The following SORCS3 variants were observed in gnomAD, a reference collection of about 807,000 sequenced individuals.
The protein encoded by SORCS3 is sortilin related VPS10 domain containing receptor 3, also known as VPS10 domain-containing receptor SorCS3.
Under a neutral mutation model 146.3 loss-of-function variants are expected in SORCS3, and 57 were observed. That is an observed-to-expected ratio of 0.39 (90% confidence interval 0.31 to 0.49). SORCS3 has a LOEUF of 0.49. Ranked by LOEUF, SORCS3 falls within the 20% of genes least tolerant of loss-of-function variation. The pLI, the probability that SORCS3 is intolerant of heterozygous loss-of-function variation, is 0.92. For synonymous variants in SORCS3, 653 were observed against 618.5 expected (o/e 1.06, Z -0.83); for missense variants, 1,341 against 1,575.5 (o/e 0.85, Z 2.52).
At chr10:105,038,851 T>C (rs1416243621) in intron 4 of SORCS3, among the ~76,000 whole-genome samples, 1 of 152,154 alleles carries the variant, frequency 6.6e-6, no homozygotes, top group Non-Finnish European at 1.5e-5. Flanking sequence ...TTGACACATG[T>C]GTTTTATTTC....
At chr10:104,789,913 T>C (rs1373059197) in intron 1 of SORCS3, among the ~76,000 whole-genome samples, 1 of 152,216 alleles carries the variant, frequency 6.6e-6, no homozygotes, top group Non-Finnish European at 1.5e-5. Context: ...TGTGCAACTT[T>C]GTTGGATAAT....
chr10:105,227,778 C>T (rs937754402), intron 20 of SORCS3, among the ~76,000 whole-genome samples: 2 of 151,810 alleles, frequency 1.3e-5, no homozygotes, highest in African/African-American at 4.8e-5. Flanking sequence ...GAATTGATCC[C>T]TTTATCATTA....
At chr10:104,721,193 A>G (rs568029574) in intron 1 of SORCS3, among the ~76,000 whole-genome samples, 30 of 152,312 alleles carry the variant, frequency 2.0e-4, no homozygotes, top group Non-Finnish European at 3.4e-4. Flanking sequence ...CTTTCTACAT[A>G]TGGCTAGCCA....
intron 19 of SORCS3, among the ~76,000 whole-genome samples, chr10:105,218,940 G>T (rs1481437245): frequency 2.0e-5 from 3 of 152,134 alleles, no homozygotes; most frequent in Non-Finnish European, 2.9e-5. Flanking sequence ...GCTTGAACCT[G>T]GGAGGCGGAG....
chr10:104,685,757 C>T (rs1413533275), intron 1 of SORCS3, among the ~76,000 whole-genome samples: 1 of 152,190 alleles, frequency 6.6e-6, no homozygotes, highest in African/African-American at 2.4e-5. Context: ...CTTTGTGGTG[C>T]AGGACTATCA....
At chr10:104,838,359 C>T (rs1205466777) in intron 1 of SORCS3, among the ~76,000 whole-genome samples, 1 of 152,094 alleles carries the variant, frequency 6.6e-6, no homozygotes, top group African/African-American at 2.4e-5. Context: ...AATGTTCTTC[C>T]CTGGAAATTC....
chr10:105,027,556 A>G (rs2133693065), intron 4 of SORCS3, among the ~76,000 whole-genome samples: 1 of 152,204 alleles, frequency 6.6e-6, no homozygotes, highest in East Asian at 1.9e-4. Context: ...TAAGCCTAAA[A>G]TCTATACTCA....
chr10:105,020,533 G>A (rs1465082152), intron 4 of SORCS3, among the ~76,000 whole-genome samples: 1 of 152,098 alleles, frequency 6.6e-6, no homozygotes, highest in Non-Finnish European at 1.5e-5. Flanking sequence ...GATAGGAATA[G>A]TTTCACACTA....
intron 2 of SORCS3, among the ~76,000 whole-genome samples, chr10:104,890,455 T>A (rs1348501699): frequency 6.6e-6 from 1 of 152,240 alleles, no homozygotes; most frequent in Admixed American, 6.5e-5. Context: ...TACCTTTTCC[T>A]TGTAATGTCT....
intron 14 of SORCS3, among the ~76,000 whole-genome samples, chr10:105,185,460 A>G (rs1392033024): frequency 6.6e-6 from 1 of 152,070 alleles, no homozygotes; most frequent in Non-Finnish European, 1.5e-5. Context: ...CCTGGTGTAC[A>G]CATGTCCTCT....
At chr10:105,124,545 C>T (rs985200938) in intron 7 of SORCS3, among the ~76,000 whole-genome samples, 1 of 152,032 alleles carries the variant, frequency 6.6e-6, no homozygotes, top group Non-Finnish European at 1.5e-5. Flanking sequence ...TTTACTATAC[C>T]AACTGCTATT....
chr10:104,897,262 C>A (rs1264213592), intron 2 of SORCS3, among the ~76,000 whole-genome samples: 1 of 152,222 alleles, frequency 6.6e-6, no homozygotes, highest in Non-Finnish European at 1.5e-5. Flanking sequence ...TCATACAAAA[C>A]AATTATCTGA....
At chr10:105,207,665 T>C (rs1347121054) in intron 16 of SORCS3, among the ~76,000 whole-genome samples, 3 of 152,150 alleles carry the variant, frequency 2.0e-5, no homozygotes, top group Non-Finnish European at 4.4e-5. Context: ...TATTTTAATA[T>C]ACATTTAGGA....
At chr10:105,150,659 T>A (rs1564767747) in intron 9 of SORCS3, among the ~76,000 whole-genome samples, 1 of 152,172 alleles carries the variant, frequency 6.6e-6, no homozygotes, top group East Asian at 1.9e-4. Context: ...GAGGGCTGGA[T>A]AAATAGCTGA....
intron 4 of SORCS3, among the ~76,000 whole-genome samples, chr10:105,021,116 A>C (rs749174857): frequency 6.6e-6 from 1 of 152,164 alleles, no homozygotes; most frequent in Non-Finnish European, 1.5e-5. Context: ...ACACTTTCTT[A>C]GTTTGTTTTG....
At chr10:104,793,711 T>G (rs2017519263) in intron 1 of SORCS3, among the ~76,000 whole-genome samples, 1 of 152,204 alleles carries the variant, frequency 6.6e-6, no homozygotes, top group Non-Finnish European at 1.5e-5. Flanking sequence ...GCAAGTGTAT[T>G]ATTTAGCAAG....
intron 1 of SORCS3, among the ~76,000 whole-genome samples, chr10:104,747,859 C>A (rs913406802): frequency 1.1e-4 from 16 of 152,226 alleles, no homozygotes; most frequent in Admixed American, 5.9e-4. Context: ...CAGCTGTGCA[C>A]CTTGAACAGC....
intron 11 of SORCS3, among the ~76,000 whole-genome samples, chr10:105,162,171 A>C (rs2056270579): frequency 6.6e-6 from 1 of 152,060 alleles, no homozygotes; most frequent in Non-Finnish European, 1.5e-5. Flanking sequence ...TTATTTTTTT[A>C]ATATTTAAGG....
chr10:104,733,000 T>C (rs1050423660), intron 1 of SORCS3, among the ~76,000 whole-genome samples: 24 of 152,184 alleles, frequency 1.6e-4, no homozygotes, highest in Admixed American at 1.4e-3. Flanking sequence ...AGTGGCAGAG[T>C]TGGGGCAATC....
Sources: gnomAD v4.1 joint callset for allele counts (sites outside exome capture counted in the v4.1 genomes callset) on GRCh38, gnomAD v4.1.1 for gene constraint, MANE v1.5 for transcripts, NCBI Gene and HGNC (gene_info 2026-07-23, HGNC 2026-07-21) for gene names.